CASZ1: variants seen among roughly 807,000 people sequenced by gnomAD.
The protein encoded by CASZ1 is zinc finger protein castor homolog 1.
In CASZ1, 28 loss-of-function variants were observed where a neutral mutation model predicts 135.2. The observed-to-expected ratio is 0.21, with a 90% CI of 0.15 to 0.28. The LOEUF is 0.28. Ranked by LOEUF, CASZ1 falls within the 10% of genes least tolerant of loss-of-function variation. The pLI is 1.00. For missense variants in CASZ1, 2,161 were observed against 2,453.3 expected (o/e 0.88, Z 2.52); for synonymous variants, 1,068 against 1,073.4 (o/e 0.99, Z 0.10).
At chr1:10,669,428 AT>A (rs1220290997) in intron 4 of CASZ1, among the ~76,000 whole-genome samples, 1 of 152,232 alleles carries the variant, frequency 6.6e-6, no homozygotes, top group Non-Finnish European at 1.5e-5. Context: ...GCTACAATAA[AT>A]AATTTACTGA....
intron 1 of CASZ1, among the ~76,000 whole-genome samples, chr1:10,786,625 T>G (rs2100624072): frequency 6.6e-6 from 1 of 152,270 alleles, no homozygotes; most frequent in East Asian, 1.9e-4. Context: ...CCCCACGAGG[T>G]AGGTACTATT....
At position 10,721,474 on chromosome 1, in the gene CASZ1, G is replaced by A. The variant is rs1255427761; in HGVS notation, c.-76-15930C>T. Among the ~76,000 whole-genome samples the A allele has an allele frequency of 6.6e-6, 1 of 152,194 alleles. No individual in the cohort carries two copies. The highest frequency in any genetic ancestry group is 1.5e-5 in the Non-Finnish European group (1 of 68,034). Reference sequence around the variant, plus strand: ...CCTGTTAACCAAAACACTAATTGCTGTGACTGATTGTCACATATCATCATT... The same window carrying A: ...CCTGTTAACCAAAACACTAATTGCTATGACTGATTGTCACATATCATCATT... On this transcript the variant is annotated intron_variant, in intron 2 of 20. Coordinates refer to ENST00000377022, the MANE Select transcript of CASZ1 (RefSeq NM_001079843.3). The surrounding 1 kb of genome is among the most constrained non-coding windows in gnomAD (Gnocchi z 5.4).
rs750478328 is a variant in CASZ1 at position 10,647,946 on chromosome 1, C to T, written c.3352G>A (p.Ala1118Thr). 10 of 1,610,006 alleles carry T rather than the reference C, an allele frequency of 6.2e-6. No homozygotes were observed. In the East Asian group the frequency reaches 6.7e-5, roughly 11 times the overall value. Residue 1118 changes from alanine (A) to threonine (T), a missense_variant, in exon 16 of 21, where the codon GCC (alanine) becomes ACC (threonine). Physicochemically the swap from Ala to Thr is moderately conservative, Grantham distance 58. Transcript: ENST00000377022. The surrounding 1 kb of genome is among the most constrained non-coding windows in gnomAD (Gnocchi z 4.9). ...ASVPSTPTLL[A>T]WKQLASTIPQ... ...ATGGTGGAAGCCAGCTGCTTCCAGG[C>T]GAGCAGGGTGGGGGTGGAGGGCACG...
At chr1:10,744,312 G>T (rs1239012779) in intron 2 of CASZ1, among the ~76,000 whole-genome samples, 2 of 152,010 alleles carry the variant, frequency 1.3e-5, no homozygotes, top group Non-Finnish European at 2.9e-5. Context: ...CTTCTTGGGG[G>T]TGGGGTGGGG....
Position 10,659,783 on chromosome 1 carries a change from A to G in CASZ1, c.1259T>C (p.Leu420Pro). 5 of 1,613,676 alleles carry G rather than the reference A, an allele frequency of 3.1e-6. No individual in the cohort carries two copies. Among genetic ancestry groups the G allele is most frequent in the Non-Finnish European group, 4.2e-6 (5 of 1,179,856 alleles). The change falls in exon 6 of 21, where the codon CTG (leucine) becomes CCG (proline). Residue 420 changes from leucine (L) to proline (P), a missense_variant. By Grantham distance (98) the Leu-to-Pro change is moderately conservative. This residue lies in a region of CASZ1 where 590 missense variants were observed against 609.8 expected (regional missense o/e 0.97). Transcript: ENST00000377022. ...CAGGTACTCGGGAGTGTTGAAGGACAGGGAGGCAGGAGGCTCTGGCCCTGG... is the reference window on the plus strand; with the variant it reads ...CAGGTACTCGGGAGTGTTGAAGGACGGGGAGGCAGGAGGCTCTGGCCCTGG... ...PGPGPEPPAS[L>P]SFNTPEYLKS...
chr1:10,761,148 C>T (rs770809089), intron 1 of CASZ1, among the ~76,000 whole-genome samples: 6 of 152,282 alleles, frequency 3.9e-5, no homozygotes, highest in African/African-American at 1.4e-4. Context: ...CTAGGCCAAT[C>T]AGGTGCCTCC....
intron 2 of CASZ1, among the ~76,000 whole-genome samples, chr1:10,713,306 GTTAC>G (rs1639320420): frequency 2.0e-5 from 3 of 152,214 alleles, no homozygotes; most frequent in Admixed American, 2.0e-4. Context: ...TATTTATTTT[GTTAC>G]TTATTTATTT....
chr1:10,681,978 G>A (rs552326290), intron 4 of CASZ1, among the ~76,000 whole-genome samples: 42 of 152,356 alleles, frequency 2.8e-4, no homozygotes, highest in African/African-American at 9.4e-4. Flanking sequence ...AACTGTTGCT[G>A]GCCAGTCCCT....
At chr1:10,702,211 G>C (rs1639076215) in intron 3 of CASZ1, among the ~76,000 whole-genome samples, 1 of 152,126 alleles carries the variant, frequency 6.6e-6, no homozygotes, top group Non-Finnish European at 1.5e-5. Context: ...GCCCTGGCGG[G>C]GTCTTCATCA....
chr1:10,679,137 G>A lies in CASZ1; in HGVS notation c.17-13566C>T, dbSNP rs1638333327. Among the ~76,000 whole-genome samples, 1 of 152,220 alleles carries A rather than the reference G, an allele frequency of 6.6e-6. No homozygotes were observed. The highest frequency in any genetic ancestry group is 2.4e-5 in the African/African-American group (1 of 41,460). Reference sequence around the variant, plus strand: ...GGGTACCCGCTGCCCCGACTTCCCAGGATTCACGAGGGGACTGCAGGGCTG... The same window carrying A: ...GGGTACCCGCTGCCCCGACTTCCCAAGATTCACGAGGGGACTGCAGGGCTG... On this transcript the variant is annotated intron_variant, in intron 4 of 20. Coordinates refer to ENST00000377022, the MANE Select transcript of CASZ1 (RefSeq NM_001079843.3). The surrounding 1 kb of genome is among the most constrained non-coding windows in gnomAD (Gnocchi z 4.7).
rs149956095 is a variant in CASZ1 at position 10,701,949 on chromosome 1, A to C, written c.-24+3543T>G. On this transcript the variant is annotated intron_variant, in intron 3 of 20. Coordinates refer to ENST00000377022, the MANE Select transcript of CASZ1 (RefSeq NM_001079843.3). The surrounding 1 kb of genome is among the most constrained non-coding windows in gnomAD (Gnocchi z 6.3). Reference sequence around the variant, plus strand: ...CCCGTTGGGCTGAGCCATCCTGCCTACTGAGGCTTCTCTTGGGCTTCCGGC... The same window carrying C: ...CCCGTTGGGCTGAGCCATCCTGCCTCCTGAGGCTTCTCTTGGGCTTCCGGC... Among the ~76,000 whole-genome samples the C allele has an allele frequency of 2.0e-5, 3 of 152,252 alleles. No individual in the cohort carries two copies. The East Asian group carries it at 5.8e-4, about 29-fold the overall frequency.
chr1:10,697,556 C>T lies in CASZ1; in HGVS notation c.-23-3644G>A, dbSNP rs1241777580. ...ATCAGCACCAAGGAAAGCCATCTGC[C>T]CTTCCTGTCACACTGCTATCGCTGG... On this transcript the variant is annotated intron_variant, in intron 3 of 20. Coordinates refer to ENST00000377022, the MANE Select transcript of CASZ1 (RefSeq NM_001079843.3). This position sits in a 1 kb window ranked among gnomAD's most constrained non-coding sequence, Gnocchi z 4.7. 1.3e-5 allele frequency among the ~76,000 whole-genome samples: 2 copies of T among 152,094 alleles called. No homozygotes were observed. Among genetic ancestry groups the T allele is most frequent in the Non-Finnish European group, 2.9e-5 (2 of 68,018 alleles).
intron 3 of CASZ1, among the ~76,000 whole-genome samples, chr1:10,705,106 C>T (rs1639144472): frequency 6.6e-6 from 1 of 152,216 alleles, no homozygotes; most frequent in African/African-American, 2.4e-5. Flanking sequence ...GCTTGGGCAG[C>T]ACGTCCAGGC....
chr1:10,740,805 A>T (rs909336600), intron 2 of CASZ1, among the ~76,000 whole-genome samples: 85 of 151,902 alleles, frequency 5.6e-4, no homozygotes, highest in Admixed American at 6.5e-4. Context: ...ATTTTTTTTT[A>T]AAATTAGCTG....
chr1:10,784,154 T>A (rs1640813544), intron 1 of CASZ1, among the ~76,000 whole-genome samples: 1 of 152,148 alleles, frequency 6.6e-6, no homozygotes, highest in African/African-American at 2.4e-5. Flanking sequence ...CACCCTGCCC[T>A]GGGAGAGAGG....
In CASZ1 at chr1:10,767,460, C is replaced by T. The variant is rs889277829; in HGVS notation, c.-233-6603G>A. Among the ~76,000 whole-genome samples, 1 of 152,136 alleles carries T rather than the reference C, an allele frequency of 6.6e-6. No individual in the cohort carries two copies. Among genetic ancestry groups the T allele is most frequent in the Admixed American group, 6.5e-5 (1 of 15,282 alleles). On this transcript the variant is annotated intron_variant, in intron 1 of 20. Coordinates refer to ENST00000377022, the MANE Select transcript of CASZ1 (RefSeq NM_001079843.3). The surrounding 1 kb of genome is among the most constrained non-coding windows in gnomAD (Gnocchi z 4.2). The stretch of plus-strand genomic sequence containing the variant: ...ATCCCTGGAGGGGACAGGGCGGGGG[C>T]GATGGGAGCACAGGCTTCCCCTATT...
In CASZ1 at chr1:10,755,430, G is replaced by A. The variant is rs1264403295; in HGVS notation, c.-77+5271C>T. Among the ~76,000 whole-genome samples, 2 of 152,206 alleles carry A rather than the reference G, an allele frequency of 1.3e-5. No individual in the cohort carries two copies. Among genetic ancestry groups the A allele is most frequent in the South Asian group, 2.1e-4 (1 of 4,832 alleles). ...CTGTGGGCACTCAGGGACAGAGGCA[G>A]GGCAGAGGCGCTTCTCTCTTCGTCC... On this transcript the variant is annotated intron_variant, in intron 2 of 20. Transcript: ENST00000377022. The surrounding 1 kb of genome is among the most constrained non-coding windows in gnomAD (Gnocchi z 4.3).
At chr1:10,787,521 C>T (rs918547514) in intron 1 of CASZ1, among the ~76,000 whole-genome samples, 3 of 152,182 alleles carry the variant, frequency 2.0e-5, no homozygotes, top group Non-Finnish European at 2.9e-5. Context: ...GCGAGGGGGG[C>T]GGGCGGAGCT....
At position 10,724,746 on chromosome 1, in the gene CASZ1, C is replaced by T. The variant is rs1305213872; in HGVS notation, c.-76-19202G>A. Among the ~76,000 whole-genome samples, 1 of 152,118 alleles carries T rather than the reference C, an allele frequency of 6.6e-6. No homozygotes were observed. Among genetic ancestry groups the T allele is most frequent in the East Asian group, 1.9e-4 (1 of 5,182 alleles). On this transcript the variant is annotated intron_variant, in intron 2 of 20. Transcript: ENST00000377022. The surrounding 1 kb of genome is among the most constrained non-coding windows in gnomAD (Gnocchi z 4.1). ...GCCCAGCCAGAGGCAGGGGCAAGGG[C>T]CCTGGGAGGGAGAGGCAAGGCGGGG...
Sources: allele counts gnomAD v4.1 joint callset (sites outside exome capture counted in the v4.1 genomes callset), GRCh38; gene constraint gnomAD v4.1.1; regional missense constraint gnomAD v4.1.1; non-coding constraint Gnocchi (gnomAD v3.1); transcripts MANE v1.5; gene names NCBI Gene and HGNC (gene_info 2026-07-23, HGNC 2026-07-21).